Variants in PBX3 observed in about 807,000 individuals in gnomAD.
The protein encoded by PBX3 is PBX homeobox 3.
Under a neutral mutation model 48.5 loss-of-function variants are expected in PBX3, and 14 were observed. That is an observed-to-expected ratio of 0.29 (90% CI 0.19 to 0.45). The LOEUF (loss-of-function observed/expected upper bound fraction) is 0.45. Among genes scored for constraint, PBX3 ranks in the 20% least tolerant of loss-of-function variants. The pLI, the probability that PBX3 is intolerant of heterozygous loss-of-function variation, is 1.00. For missense variants in PBX3, 386 were observed against 546.7 expected (o/e 0.71, Z 2.93); for synonymous variants, 210 against 200.3 (o/e 1.05, Z -0.41).
intron 2 of PBX3, among the ~76,000 whole-genome samples, chr9:125,906,318 A>G (rs1841070603): frequency 6.6e-6 from 1 of 152,020 alleles, no homozygotes; most frequent in African/African-American, 2.4e-5. Flanking sequence ...TGCCGTATTT[A>G]CTAGCATGCT....
chr9:125,805,495 C>A (rs1838100221), intron 2 of PBX3, among the ~76,000 whole-genome samples: 1 of 151,998 alleles, frequency 6.6e-6, no homozygotes, highest in South Asian at 2.1e-4. Context: ...TTTAGGAGGC[C>A]AAAAAATGAA....
intron 3 of PBX3, among the ~76,000 whole-genome samples, chr9:125,923,546 A>C (rs1186159737): frequency 1.3e-5 from 2 of 152,048 alleles, no homozygotes; most frequent in Non-Finnish European, 2.9e-5. Context: ...AAAACTAGAA[A>C]AATTTAAAGT....
intron 2 of PBX3, among the ~76,000 whole-genome samples, chr9:125,915,322 T>C (rs1841301398): frequency 6.6e-6 from 1 of 152,178 alleles, no homozygotes; most frequent in Non-Finnish European, 1.5e-5. Flanking sequence ...ATTTTCTTTC[T>C]TTCTTAAAAC....
intron 5 of PBX3, among the ~76,000 whole-genome samples, chr9:125,947,226 A>G (rs1442652149): frequency 6.6e-6 from 1 of 152,214 alleles, no homozygotes; most frequent in Non-Finnish European, 1.5e-5. Context: ...GAGGAGATAC[A>G]GGAAGGAGTA....
At chr9:125,856,650 A>C (rs146085545) in intron 2 of PBX3, among the ~76,000 whole-genome samples, 1 of 152,342 alleles carries the variant, frequency 6.6e-6, no homozygotes, top group Non-Finnish European at 1.5e-5. Context: ...AACTGCTCTT[A>C]AAGCTGTAAC....
chr9:125,876,099 T>A (rs185535525), intron 2 of PBX3, among the ~76,000 whole-genome samples: 1 of 152,328 alleles, frequency 6.6e-6, no homozygotes, highest in Non-Finnish European at 1.5e-5. Context: ...ATGCTTTAAA[T>A]GTATATCATG....
At chr9:125,817,525 T>G (rs1039573294) in intron 2 of PBX3, among the ~76,000 whole-genome samples, 8 of 152,200 alleles carry the variant, frequency 5.3e-5, no homozygotes, top group Admixed American at 2.0e-4. Flanking sequence ...GAGTCTTTCT[T>G]TACATTCATA....
In PBX3 at chr9:125,747,410, G is replaced by C; in HGVS notation, c.-44G>C. ...CGCCGCCGCCGCCGCCGCCGCCTCA[G>C]CCTTCGCCTCAGCCGCCGCCCGCTC... On this transcript the variant is annotated 5_prime_UTR_variant, in exon 1 of 9. Coordinates refer to ENST00000373489, the MANE Select transcript of PBX3 (RefSeq NM_006195.6). The C allele has an allele frequency of 1.7e-6, 2 of 1,171,326 alleles. No individual in the cohort carries two copies. The highest frequency in any genetic ancestry group is 2.2e-6 in the Non-Finnish European group (2 of 918,278). 72.6% of individuals were successfully genotyped at this position (1,171,326 alleles called of 1,614,324 possible).
At chr9:125,894,854 GT>G (rs1840733707) in intron 2 of PBX3, among the ~76,000 whole-genome samples, 2 of 152,046 alleles carry the variant, frequency 1.3e-5, no homozygotes, top group South Asian at 4.1e-4. Context: ...TTATTGAGTT[GT>G]TTTACTAGCT....
intron 4 of PBX3, 80 bp downstream of exon 4, chr9:125,929,925 G>A: frequency 9.3e-7 from 1 of 1,072,142 alleles, no homozygotes; most frequent in Non-Finnish European, 1.4e-6. Context: ...AAACTGACCA[G>A]TTGGTCTTAG....
intron 2 of PBX3, among the ~76,000 whole-genome samples, chr9:125,819,235 T>C (rs1385983577): frequency 6.6e-6 from 1 of 152,032 alleles, no homozygotes; most frequent in African/African-American, 2.4e-5. Flanking sequence ...ATTTTTATTT[T>C]TAAATTTTCA....
At chr9:125,804,797 A>G (rs1838069540) in intron 2 of PBX3, among the ~76,000 whole-genome samples, 1 of 150,750 alleles carries the variant, frequency 6.6e-6, no homozygotes, top group Non-Finnish European at 1.5e-5. Context: ...AATGCAAAAA[A>G]TTAGCTGGGC....
At chr9:125,835,317 C>T (rs1219936881) in intron 2 of PBX3, among the ~76,000 whole-genome samples, 1 of 152,088 alleles carries the variant, frequency 6.6e-6, no homozygotes, top group African/African-American at 2.4e-5. Context: ...GTGACCTGCC[C>T]AGGGATGCAC....
At chr9:125,809,866 A>G (rs1838236584) in intron 2 of PBX3, among the ~76,000 whole-genome samples, 1 of 152,226 alleles carries the variant, frequency 6.6e-6, no homozygotes, top group Admixed American at 6.5e-5. Flanking sequence ...AGAAAAATGA[A>G]CAAAAAACTT....
chr9:125,788,529 A>G (rs1564655220), intron 2 of PBX3, among the ~76,000 whole-genome samples: 1 of 152,206 alleles, frequency 6.6e-6, no homozygotes, highest in East Asian at 1.9e-4. Context: ...AAATACAAAA[A>G]CACTAATGTT....
intron 5 of PBX3, chr9:125,949,268 TA>T (rs1842136628): frequency 1.1e-5 from 15 of 1,357,256 alleles, no homozygotes; most frequent in Non-Finnish European, 1.3e-5. Flanking sequence ...ATTCAGGGGT[TA>T]ATGAAATCAT....
chr9:125,799,944 T>G (rs1837889827), intron 2 of PBX3, among the ~76,000 whole-genome samples: 2 of 152,236 alleles, frequency 1.3e-5, no homozygotes, highest in Non-Finnish European at 2.9e-5. Context: ...TGATTTCCTC[T>G]TGGGAGGTGA....
intron 2 of PBX3, among the ~76,000 whole-genome samples, chr9:125,832,363 T>C (rs1005049117): frequency 6.6e-6 from 1 of 152,068 alleles, no homozygotes; most frequent in Non-Finnish European, 1.5e-5. Context: ...GCCTGTCTAA[T>C]TTTTTGAACT....
intron 2 of PBX3, among the ~76,000 whole-genome samples, chr9:125,786,602 C>G (rs919054878): frequency 3.3e-5 from 5 of 151,978 alleles, no homozygotes; most frequent in African/African-American, 1.2e-4. Flanking sequence ...AATGATGGAG[C>G]AGAGTCTTAG....
Sources: allele counts gnomAD v4.1 joint callset (sites outside exome capture counted in the v4.1 genomes callset), GRCh38; gene constraint gnomAD v4.1.1; transcripts MANE v1.5; gene names NCBI Gene and HGNC (gene_info 2026-07-23, HGNC 2026-07-21).